Variants in NCK2 observed in about 807,000 individuals in gnomAD.
The protein encoded by NCK2 is cytoplasmic protein NCK2.
In NCK2, 16 loss-of-function variants were observed where a neutral mutation model predicts 33.9. The observed-to-expected ratio is 0.47, with a 90% CI of 0.32 to 0.72. NCK2 has a LOEUF of 0.72. Ranked by LOEUF, NCK2 falls within the 30% of genes least tolerant of loss-of-function variation. The probability of loss-of-function intolerance (pLI) is 0.03; values close to 1 mark genes in which losing one functional copy is unlikely to be tolerated. For synonymous variants in NCK2, 273 were observed against 239.9 expected (o/e 1.14, Z -1.27); for missense variants, 418 against 537.3 (o/e 0.78, Z 2.19).
At chr2:105,869,652 G>T (rs904322498) in intron 3 of NCK2, among the ~76,000 whole-genome samples, 2 of 152,148 alleles carry the variant, frequency 1.3e-5, no homozygotes, top group Non-Finnish European at 2.9e-5. Flanking sequence ...AGAACAGCAG[G>T]CGTGCTGAAC....
At chr2:105,878,638 T>C (rs1678333724) in intron 3 of NCK2, among the ~76,000 whole-genome samples, 1 of 152,178 alleles carries the variant, frequency 6.6e-6, no homozygotes, top group African/African-American at 2.4e-5. Flanking sequence ...TCTATGGTAC[T>C]TATCATGGTT....
chr2:105,813,631 C>T (rs1170185633), intron 1 of NCK2, among the ~76,000 whole-genome samples: 1 of 152,216 alleles, frequency 6.6e-6, no homozygotes, highest in African/African-American at 2.4e-5. Flanking sequence ...GGGGGCATCT[C>T]ACTGCCTGGC....
intron 1 of NCK2, among the ~76,000 whole-genome samples, chr2:105,790,931 A>G (rs962994373): frequency 1.3e-5 from 2 of 151,876 alleles, no homozygotes; most frequent in Admixed American, 6.6e-5. Flanking sequence ...CCAGAGTCCA[A>G]CCCCTCCCCT....
At chr2:105,783,860 G>A (rs776378837) in intron 1 of NCK2, among the ~76,000 whole-genome samples, 18 of 152,126 alleles carry the variant, frequency 1.2e-4, no homozygotes, top group African/African-American at 3.4e-4. Flanking sequence ...GAGTTGTTTC[G>A]CTTCTCCCTT....
intron 1 of NCK2, among the ~76,000 whole-genome samples, chr2:105,808,846 G>T (rs1344014882): frequency 6.6e-6 from 1 of 152,206 alleles, no homozygotes; most frequent in Non-Finnish European, 1.5e-5. Flanking sequence ...TGATACTGAA[G>T]TTGTGCTGAT....
chr2:105,868,977 G>A (rs879653771), intron 3 of NCK2, among the ~76,000 whole-genome samples: 40 of 152,166 alleles, frequency 2.6e-4, no homozygotes, highest in Non-Finnish European at 4.8e-4. Flanking sequence ...TCCAAAGCAC[G>A]GAACAGGTGG....
chr2:105,893,339 G>A lies in NCK2; in HGVS notation c.*163G>A. The A allele has an allele frequency of 1.5e-6, 1 of 682,898 alleles. No individual in the cohort carries two copies. Among genetic ancestry groups the A allele is most frequent in the Middle Eastern group, 4.2e-4 (1 of 2,376 alleles). 42.3% of individuals were successfully genotyped at this position (682,898 alleles called of 1,614,324 possible). A position where few individuals can be genotyped will look rare whatever the true frequency, so the allele number is the denominator to read the frequency against. Reference sequence around the variant, plus strand: ...GGTTCGTCTCCCATTTGCCATCCAGGCCTCACACCCACACTCGAGCCCACC... The same window carrying A: ...GGTTCGTCTCCCATTTGCCATCCAGACCTCACACCCACACTCGAGCCCACC... On this transcript the variant is annotated 3_prime_UTR_variant, in exon 5 of 5. Transcript: ENST00000233154.
chr2:105,812,202 C>A (rs1289677308), intron 1 of NCK2, among the ~76,000 whole-genome samples: 1 of 152,178 alleles, frequency 6.6e-6, no homozygotes, highest in Non-Finnish European at 1.5e-5. Flanking sequence ...TTTGAAGCTG[C>A]TTCAGCTGTT....
At chr2:105,794,205 C>T (rs978578524) in intron 1 of NCK2, among the ~76,000 whole-genome samples, 23 of 151,834 alleles carry the variant, frequency 1.5e-4, no homozygotes, top group Non-Finnish European at 2.2e-4. Flanking sequence ...CCTGCCACCA[C>T]GCTGGCTAAT....
At chr2:105,776,513 G>A (rs1026340891) in intron 1 of NCK2, among the ~76,000 whole-genome samples, 3 of 152,116 alleles carry the variant, frequency 2.0e-5, no homozygotes, top group Admixed American at 6.5e-5. Flanking sequence ...CTACCCACCC[G>A]TGGAGGGCTC....
chr2:105,780,220 T>G (rs2104400128), intron 1 of NCK2, among the ~76,000 whole-genome samples: 1 of 152,214 alleles, frequency 6.6e-6, no homozygotes, highest in East Asian at 1.9e-4. Flanking sequence ...AAATTTCTAT[T>G]AATAAAACCA....
chr2:105,776,530 G>A (rs1283120654), intron 1 of NCK2, among the ~76,000 whole-genome samples: 1 of 152,166 alleles, frequency 6.6e-6, no homozygotes, highest in Non-Finnish European at 1.5e-5. Flanking sequence ...GCTCCTGCAT[G>A]CTGCCAGCCT....
intron 2 of NCK2, among the ~76,000 whole-genome samples, chr2:105,819,199 G>A (rs1426086687): frequency 2.0e-5 from 3 of 151,988 alleles, no homozygotes; most frequent in Non-Finnish European, 4.4e-5. Context: ...TGCATTCATA[G>A]GGCATTCCCA....
chr2:105,797,352 A>G (rs1352941711), intron 1 of NCK2, among the ~76,000 whole-genome samples: 1 of 151,642 alleles, frequency 6.6e-6, no homozygotes, highest in African/African-American at 2.4e-5. Flanking sequence ...TGTGTGTTGA[A>G]CTCACAGTTC....
intron 3 of NCK2, among the ~76,000 whole-genome samples, chr2:105,858,006 G>T (rs1310405199): frequency 6.6e-6 from 1 of 151,088 alleles, no homozygotes; most frequent in Non-Finnish European, 1.5e-5. Flanking sequence ...AGTTGCATTT[G>T]TGTGTGTTTG....
intron 3 of NCK2, among the ~76,000 whole-genome samples, chr2:105,868,847 G>A (rs536898871): frequency 2.7e-4 from 41 of 152,306 alleles, no homozygotes; most frequent in Admixed American, 2.1e-3. Context: ...TGAAGCAGTC[G>A]AGGCCCGGGG....
At chr2:105,773,883 T>G (rs533168781) in intron 1 of NCK2, among the ~76,000 whole-genome samples, 1 of 152,186 alleles carries the variant, frequency 6.6e-6, no homozygotes, top group Non-Finnish European at 1.5e-5. Context: ...CAGCAGTCTT[T>G]TCTTTAACTG....
At chr2:105,839,688 A>G (rs1676563379) in intron 2 of NCK2, among the ~76,000 whole-genome samples, 1 of 152,188 alleles carries the variant, frequency 6.6e-6, no homozygotes, top group African/African-American at 2.4e-5. Context: ...GCAGATGTTC[A>G]CCAGGTAGCT....
In NCK2 at chr2:105,777,633, C is replaced by T. The variant is rs1690354847; in HGVS notation, c.-201+32495C>T. Among the ~76,000 whole-genome samples the T allele has an allele frequency of 3.9e-5, 6 of 152,190 alleles. 1 individual carries two copies. The South Asian group carries it at 1.2e-3, about 32-fold the overall frequency. On this transcript the variant is annotated intron_variant, in intron 1 of 4. Coordinates refer to ENST00000233154, the MANE Select transcript of NCK2 (RefSeq NM_003581.5). ...AAATGACTATAAATGACTTCAGTTG[C>T]AGCTGTTCTCCGGGTAACAGTCTGT...
Sources: allele counts gnomAD v4.1 joint callset (sites outside exome capture counted in the v4.1 genomes callset), GRCh38; gene constraint gnomAD v4.1.1; transcripts MANE v1.5; gene names NCBI Gene and HGNC (gene_info 2026-07-23, HGNC 2026-07-21).